The following RPL31 variants were observed in gnomAD, a reference collection of about 807,000 sequenced individuals.
RPL31 encodes the protein large ribosomal subunit protein eL31.
For missense variants in RPL31, 95 were observed against 164.0 expected (o/e 0.58, Z 2.30); for synonymous variants, 51 against 55.0 (o/e 0.93, Z 0.32).
chr2:101,005,938 A>AC, intron 3 of RPL31, 21 bp from the exon 4 acceptor site: 1 of 1,605,014 alleles, frequency 6.2e-7, no homozygotes, highest in Non-Finnish European at 8.5e-7. Context: ...GACTTCAGCA[A>AC]CACAATTATG....
At chr2:101,017,992 C>T in intron 4 of RPL31, 1 of 1,468,844 alleles carries the variant, frequency 6.8e-7, no homozygotes, top group Non-Finnish European at 9.3e-7. Flanking sequence ...GGTTCCAATG[C>T]TCGCAATTCT....
intron 4 of RPL31, among the ~76,000 whole-genome samples, chr2:101,017,139 T>C (rs1679713314): frequency 6.6e-6 from 1 of 151,040 alleles, no homozygotes; most frequent in Non-Finnish European, 1.5e-5. Context: ...GGATCGTCAA[T>C]ATCAGTGTCT....
At chr2:101,012,290 AAAAC>A (rs1422777053) in intron 4 of RPL31, among the ~76,000 whole-genome samples, 2 of 152,332 alleles carry the variant, frequency 1.3e-5, no homozygotes, top group Non-Finnish European at 2.9e-5. Context: ...AGTAGCCAAA[AAAAC>A]ACCCAAATGT....
At chr2:101,002,863 G>T in intron 2 of RPL31, 55 bp downstream of exon 2, 2 of 1,279,460 alleles carry the variant, frequency 1.6e-6, no homozygotes, top group South Asian at 2.4e-5. Flanking sequence ...GGTTGTTACC[G>T]AGAGATGTGC....
downstream of RPL31, chr2:101,011,168 C>A (rs1679180512): frequency 2.5e-6 from 2 of 810,166 alleles, no homozygotes; most frequent in Non-Finnish European, 3.9e-6. Flanking sequence ...CAAGAGATTC[C>A]CCTGGAGAGC....
At chr2:101,012,189 C>G (rs1305125822), downstream of RPL31, among the ~76,000 whole-genome samples, 2 of 152,198 alleles carry the variant, frequency 1.3e-5, no homozygotes, top group African/African-American at 4.8e-5. Flanking sequence ...CCATTTGACT[C>G]AGAAATCTCA....
At chr2:101,010,566 T>G (rs532325944), downstream of RPL31, among the ~76,000 whole-genome samples, 3 of 152,100 alleles carry the variant, frequency 2.0e-5, no homozygotes, top group Non-Finnish European at 4.4e-5. Context: ...CCAAGCTTGA[T>G]TCTCAGATTA....
At chr2:101,007,993 G>A (rs966338277), downstream of RPL31, 2 of 1,613,870 alleles carry the variant, frequency 1.2e-6, no homozygotes, top group Non-Finnish European at 1.7e-6. Context: ...ATGTTCAAGG[G>A]AGACAGTCCA....
intron 4 of RPL31, among the ~76,000 whole-genome samples, chr2:101,012,650 G>A (rs976636854): frequency 8.6e-5 from 13 of 151,592 alleles, no homozygotes; most frequent in African/African-American, 2.9e-4. Context: ...CCATTGAATT[G>A]TACGCTTTAA....
chr2:101,012,446 TAC>T (rs1679288444), intron 4 of RPL31, among the ~76,000 whole-genome samples: 2 of 152,198 alleles, frequency 1.3e-5, no homozygotes, highest in Non-Finnish European at 2.9e-5. Context: ...TCGAACATGA[TAC>T]AGCAACTCCA....
chr2:101,003,838 C>A (rs529769653), intron 2 of RPL31, among the ~76,000 whole-genome samples: 80 of 152,296 alleles, frequency 5.3e-4, no homozygotes, highest in African/African-American at 1.9e-3. Flanking sequence ...TTGAGGACTT[C>A]AGAAAGTGGA....
chr2:101,008,569 CTG>C (rs1289308189), downstream of RPL31, among the ~76,000 whole-genome samples: 1 of 152,128 alleles, frequency 6.6e-6, no homozygotes, highest in Admixed American at 6.5e-5. Flanking sequence ...AATCCCAGCA[CTG>C]TGGGAGGCCG....
At chr2:101,004,677 A>T in intron 3 of RPL31, 8 of 193,384 alleles carry the variant, frequency 4.1e-5, no homozygotes, top group Non-Finnish European at 8.1e-5. Context: ...GGCCTGCGGC[A>T]GTTTTACCTG....
In RPL31 at chr2:101,007,067, G is replaced by T; in HGVS notation, c.*686G>T. The T allele has an allele frequency of 6.6e-6, 1 of 152,272 alleles. No individual in the cohort carries two copies. Among genetic ancestry groups the T allele is most frequent in the East Asian group, 1.9e-4 (1 of 5,196 alleles). 9.4% of individuals were successfully genotyped at this position (152,272 alleles called of 1,614,324 possible). ...TAAATGCTGCCATAAAGAGGTCTCT[G>T]AAGCCGTAGGGCACACCCAAGGCAG... On this transcript the variant is annotated 3_prime_UTR_variant, in exon 5 of 5. Coordinates refer to ENST00000264258, the MANE Select transcript of RPL31 (RefSeq NM_000993.5).
chr2:101,008,248 GTT>G, downstream of RPL31: 1 of 1,559,694 alleles, frequency 6.4e-7, no homozygotes. Context: ...ACTGTACAGA[GTT>G]TTACAGAACT....
chr2:101,007,990 A>G (rs1213226047), downstream of RPL31: 1 of 1,613,916 alleles, frequency 6.2e-7, no homozygotes, highest in Non-Finnish European at 8.5e-7. Context: ...AATATGTTCA[A>G]GGGAGACAGT....
At chr2:101,011,113 G>T, downstream of RPL31, 2 of 1,288,858 alleles carry the variant, frequency 1.6e-6, no homozygotes, top group Admixed American at 1.9e-5. Flanking sequence ...GAGGAGCAAG[G>T]GGGTGAGGAA....
chr2:101,012,625 CAAA>C lies in RPL31; in HGVS notation c.347-6362_347-6360del, dbSNP rs71378138. 1.1e-3 allele frequency among the ~76,000 whole-genome samples: 150 copies of C among 135,202 alleles called. 2 individuals carry two copies. The East Asian group carries it at 0.029, about 26-fold the overall frequency. The allele number at this position is 135,202 out of a possible 152,430, so 88.7% of individuals were successfully genotyped here. On this transcript the variant is annotated intron_variant, in intron 4 of 4. Transcript: ENST00000409028. ...TGATCGCTGCACAACTCTGAATATA[CAAA>C]AAAAAAAAAACCCATTGAATTGTAC...
chr2:101,003,258 C>G (rs1678607557), intron 2 of RPL31, among the ~76,000 whole-genome samples: 1 of 152,170 alleles, frequency 6.6e-6, no homozygotes, highest in African/African-American at 2.4e-5. Context: ...GTTTTTTCCA[C>G]AAATAAATGC....
Sources: allele counts gnomAD v4.1 joint callset (sites outside exome capture counted in the v4.1 genomes callset), GRCh38; gene constraint gnomAD v4.1.1; transcripts MANE v1.5; gene names NCBI Gene and HGNC (gene_info 2026-07-23, HGNC 2026-07-21).